The following PCSK6 variants were observed in gnomAD, a reference collection of about 807,000 sequenced individuals.
The protein encoded by PCSK6 is proprotein convertase subtilisin/kexin type 6, also known as paired basic amino acid cleaving enzyme 4.
Under a neutral mutation model 123.3 loss-of-function variants are expected in PCSK6, and 85 were observed. That is an observed-to-expected ratio of 0.69 (90% CI 0.58 to 0.83). PCSK6 has a LOEUF of 0.83. Ranked by LOEUF, PCSK6 falls within the 40% of genes least tolerant of loss-of-function variation. The pLI is 0.00. For missense variants in PCSK6, 1,191 were observed against 1,282.3 expected, an observed-to-expected ratio of 0.93 and a Z score of 1.09; for synonymous variants, 508 against 516.0, an observed-to-expected ratio of 0.98 and a Z score of 0.21.
chr15:101,420,732 A>G (rs1230896268), intron 6 of PCSK6, among the ~76,000 whole-genome samples: 2 of 152,260 alleles, frequency 1.3e-5, no homozygotes, highest in African/African-American at 4.8e-5. Context: ...ATCAATGTAC[A>G]GCTTGACAAC....
chr15:101,446,769 C>T (rs967453510), intron 1 of PCSK6, among the ~76,000 whole-genome samples: 1 of 152,216 alleles, frequency 6.6e-6, no homozygotes, highest in Non-Finnish European at 1.5e-5. Flanking sequence ...TGGGAAGTGG[C>T]GGTCCATACA....
At chr15:101,484,610 C>T (rs1338588406) in intron 1 of PCSK6, among the ~76,000 whole-genome samples, 4 of 152,066 alleles carry the variant, frequency 2.6e-5, no homozygotes, top group African/African-American at 7.2e-5. Context: ...AGGCTGGTCT[C>T]GAACTCCTGA....
intron 18 of PCSK6, among the ~76,000 whole-genome samples, chr15:101,321,632 A>G (rs979349593): frequency 1.3e-5 from 2 of 152,250 alleles, no homozygotes; most frequent in African/African-American, 4.8e-5. Context: ...TCCAGTCCTC[A>G]CAGCATTTGA....
At chr15:101,366,437 G>T in intron 12 of PCSK6, 105 bp from the exon 13 acceptor site, 1 of 1,212,236 alleles carries the variant, frequency 8.2e-7, no homozygotes, top group Non-Finnish European at 1.1e-6. Flanking sequence ...GACCTGGCTG[G>T]ACCGTACCCC....
chr15:101,403,690 G>A (rs1214683535), intron 6 of PCSK6, among the ~76,000 whole-genome samples: 1 of 152,064 alleles, frequency 6.6e-6, no homozygotes, highest in East Asian at 1.9e-4. Flanking sequence ...CAGAATTTTT[G>A]GATTATTCAT....
At chr15:101,316,798 G>C (rs898951257) in intron 19 of PCSK6, among the ~76,000 whole-genome samples, 1 of 152,190 alleles carries the variant, frequency 6.6e-6, no homozygotes, top group Non-Finnish European at 1.5e-5. Context: ...CATACGGCAG[G>C]GAGCTGCATG....
At chr15:101,354,216 C>G (rs1183318085) in intron 13 of PCSK6, among the ~76,000 whole-genome samples, 1 of 152,126 alleles carries the variant, frequency 6.6e-6, no homozygotes, top group Non-Finnish European at 1.5e-5. Context: ...GATACATGTA[C>G]AAGTATACAC....
chr15:101,344,024 C>T lies in PCSK6; in HGVS notation c.1859-11993G>A, dbSNP rs867199495. Among the ~76,000 whole-genome samples, 6 of 151,628 alleles carry T rather than the reference C, an allele frequency of 4.0e-5. No individual in the cohort carries two copies. The South Asian group carries it at 1.0e-3, about 26-fold the overall frequency. ...GTGGGAGGCGGAGGTTGCAGTGAGCCGAGATTGCGTCACTGCACTCCAGCC... is the reference window on the plus strand; with the variant it reads ...GTGGGAGGCGGAGGTTGCAGTGAGCTGAGATTGCGTCACTGCACTCCAGCC... On this transcript the variant is annotated intron_variant, in intron 13 of 21. Coordinates refer to ENST00000611716, the MANE Select transcript of PCSK6 (RefSeq NM_002570.5).
chr15:101,331,830 C>G (rs1465253903), intron 14 of PCSK6, 22 bp downstream of exon 14: 4 of 1,611,124 alleles, frequency 2.5e-6, no homozygotes, highest in Admixed American at 3.3e-5. Context: ...CTGGCCGTCT[C>G]CTCTTACTTC....
intron 18 of PCSK6, among the ~76,000 whole-genome samples, chr15:101,322,083 C>T (rs893649787): frequency 7.2e-5 from 11 of 152,024 alleles, no homozygotes; most frequent in African/African-American, 2.2e-4. Context: ...GAACCAGGAA[C>T]GTAAAGAGCA....
At chr15:101,468,241 G>A (rs1395174444) in intron 1 of PCSK6, among the ~76,000 whole-genome samples, 1 of 152,110 alleles carries the variant, frequency 6.6e-6, no homozygotes, top group Non-Finnish European at 1.5e-5. Flanking sequence ...AGCCCTCAGA[G>A]CAGTTTCTTG....
chr15:101,418,285 C>T (rs1454142989), intron 6 of PCSK6, among the ~76,000 whole-genome samples: 4 of 152,172 alleles, frequency 2.6e-5, no homozygotes, highest in Admixed American at 2.6e-4. Context: ...TTAACTATTT[C>T]AGAGCACAGG....
chr15:101,403,341 C>G (rs557843847), intron 6 of PCSK6, among the ~76,000 whole-genome samples: 5 of 149,892 alleles, frequency 3.3e-5, no homozygotes, highest in South Asian at 4.2e-4. Flanking sequence ...TTAATGGGTG[C>G]AGCACACCAG....
In PCSK6 at chr15:101,489,438, A is replaced by T; in HGVS notation, c.233T>A (p.Val78Glu). The change falls in exon 1 of 22, where the codon GTG becomes GAG. Residue 78 changes from valine to glutamate, a missense_variant. Val to Glu is a moderately radical substitution (Grantham distance 121, BLOSUM62 -2). Transcript: ENST00000611716. ...GTCCGCCTCGGCCGGGCCGCCCAGC[A>T]CTTGCACCGCCCAGTGGTTGGTGTA... is the stretch of plus-strand genomic sequence containing the variant. ...PVYTNHWAVQ[V>E]LGGPAEADRV... is the part of the protein sequence containing the mutation. 8.0e-7 allele frequency: 1 copy of T among 1,254,098 alleles called. No individual in the cohort carries two copies. The highest frequency in any genetic ancestry group is 1.0e-6 in the Non-Finnish European group (1 of 987,394). The allele number at this position is 1,254,098 out of a possible 1,614,324, so 77.7% of individuals were successfully genotyped here. A position where few individuals can be genotyped will look rare whatever the true frequency, so the allele number is the denominator to read the frequency against.
At chr15:101,321,190 C>T (rs985098139) in intron 18 of PCSK6, among the ~76,000 whole-genome samples, 2 of 152,146 alleles carry the variant, frequency 1.3e-5, no homozygotes, top group Non-Finnish European at 2.9e-5. Flanking sequence ...CAGCGGAATG[C>T]CTCCTTCCTC....
In PCSK6 at chr15:101,328,392, C is replaced by T. The variant is rs141007776; in HGVS notation, c.2078-1913G>A. 7.6e-3 allele frequency among the ~76,000 whole-genome samples: 1,155 copies of T among 152,302 alleles called. 10 individuals are homozygous for T. The highest frequency in any genetic ancestry group is 0.014 in the Admixed American group (212 of 15,300). ...GGAGACGGGCGGGCAGGGCTTGGTT[C>T]GGTGTGTTCACTGCTAGATTCCTGG... On this transcript the variant is annotated intron_variant, in intron 15 of 21. Coordinates refer to ENST00000611716, the MANE Select transcript of PCSK6 (RefSeq NM_002570.5).
chr15:101,403,292 G>C, intron 6 of PCSK6, among the ~76,000 whole-genome samples: 1 of 109,480 alleles, frequency 9.1e-6, no homozygotes, highest in Non-Finnish European at 1.8e-5. Context: ...GAGGGGGGAG[G>C]GATAGCATTA....
intron 2 of PCSK6, among the ~76,000 whole-genome samples, chr15:101,441,972 C>T (rs1202381183): frequency 6.6e-6 from 1 of 152,206 alleles, no homozygotes; most frequent in Non-Finnish European, 1.5e-5. Flanking sequence ...ACGCCTCCTC[C>T]GGGATCAGCC....
At chr15:101,442,485 A>C (rs755200762) in intron 2 of PCSK6, among the ~76,000 whole-genome samples, 6 of 152,188 alleles carry the variant, frequency 3.9e-5, no homozygotes, top group Non-Finnish European at 8.8e-5. Flanking sequence ...AGAGAAGGAT[A>C]ATTCAGGTAC....
Sources: gnomAD v4.1 joint callset for allele counts (sites outside exome capture counted in the v4.1 genomes callset) on GRCh38, gnomAD v4.1.1 for gene constraint, MANE v1.5 for transcripts, NCBI Gene and HGNC (gene_info 2026-07-23, HGNC 2026-07-21) for gene names.